Variants in RNLS observed in about 807,000 individuals in gnomAD.
RNLS encodes the protein renalase.
A neutral mutation model predicts 39.8 loss-of-function variants in RNLS; 39 were observed. The observed-to-expected ratio is 0.98, with a 90% confidence interval of 0.76 to 1.28. RNLS has a LOEUF of 1.28. RNLS is among the 50% of genes most tolerant of loss of function. The pLI is 0.00. For missense variants in RNLS, 410 were observed against 413.3 expected, an observed-to-expected ratio of 0.99 and a Z score of 0.07; for synonymous variants, 147 against 150.7, an observed-to-expected ratio of 0.98 and a Z score of 0.18.
chr10:88,255,463 AGG>A, the RNLS span, among the ~76,000 whole-genome samples: 1 of 152,176 alleles, frequency 6.6e-6, no homozygotes, highest in African/African-American at 2.4e-5. Context: ...AGGCACACAC[AGG>A]CTGCCTTGGG....
chr10:88,583,003 A>G, intron 1 of RNLS, 70 bp downstream of exon 1: 1 of 1,533,208 alleles, frequency 6.5e-7, no homozygotes, highest in Non-Finnish European at 8.9e-7. Context: ...TCTTGGGTGC[A>G]GGCCCACACC....
At chr10:88,426,053 A>T (rs1854733867) in intron 4 of RNLS, among the ~76,000 whole-genome samples, 1 of 152,094 alleles carries the variant, frequency 6.6e-6, no homozygotes, top group Non-Finnish European at 1.5e-5. Context: ...GAGGGCTAGA[A>T]TAGTATACTT....
chr10:88,483,283 C>A (rs1226418158), intron 4 of RNLS, among the ~76,000 whole-genome samples: 1 of 152,130 alleles, frequency 6.6e-6, no homozygotes, highest in Admixed American at 6.6e-5. Flanking sequence ...GCTTTACAAC[C>A]CCTTTTGGGA....
the RNLS span, among the ~76,000 whole-genome samples, chr10:88,194,748 AG>A: frequency 2.0e-5 from 3 of 152,338 alleles, no homozygotes; most frequent in Middle Eastern, 3.4e-3. Context: ...CAAACTCCCA[AG>A]GGGATTCTTA....
Position 88,372,280 on chromosome 10 carries a change from C to CT in RNLS, c.527-9556dup, listed in dbSNP as rs1489229089. On this transcript the variant is annotated intron_variant, in intron 4 of 6. Transcript: ENST00000331772. ...GCAATCAGGGAGCGTTTTCTAATCC[C>CT]TGCTGATTCCCTATCTTTTTAATCA... Among the ~76,000 whole-genome samples the CT allele has an allele frequency of 4.6e-5, 7 of 152,214 alleles. No individual in the cohort carries two copies. The East Asian group carries it at 1.4e-3, about 29-fold the overall frequency.
At chr10:88,390,535 A>G (rs1448006339) in intron 4 of RNLS, among the ~76,000 whole-genome samples, 3 of 152,212 alleles carry the variant, frequency 2.0e-5, no homozygotes, top group African/African-American at 4.8e-5. Context: ...AGCAGGGACC[A>G]TAGCACACAT....
the RNLS span, among the ~76,000 whole-genome samples, chr10:88,230,964 A>T: frequency 6.6e-6 from 1 of 152,288 alleles, no homozygotes; most frequent in South Asian, 2.1e-4. Flanking sequence ...AGGCAGTTTG[A>T]TTCTTATGTG....
intron 4 of RNLS, among the ~76,000 whole-genome samples, chr10:88,424,380 G>T (rs1434979585): frequency 2.0e-5 from 3 of 152,196 alleles, no homozygotes; most frequent in Non-Finnish European, 2.9e-5. Flanking sequence ...AATAATCCAG[G>T]AATGGTAAGA....
intron 4 of RNLS, among the ~76,000 whole-genome samples, chr10:88,376,012 C>G (rs189646318): frequency 6.6e-6 from 1 of 152,048 alleles, no homozygotes; most frequent in Admixed American, 6.6e-5. Flanking sequence ...AGGTCTCTCA[C>G]GTAATACAAG....
chr10:88,200,865 C>G, the RNLS span, among the ~76,000 whole-genome samples: 1 of 152,268 alleles, frequency 6.6e-6, no homozygotes, highest in African/African-American at 2.4e-5. Flanking sequence ...GGGAAGTGGT[C>G]CACAGTAACA....
intron 4 of RNLS, among the ~76,000 whole-genome samples, chr10:88,525,554 T>C (rs898883412): frequency 4.6e-5 from 7 of 152,114 alleles, no homozygotes; most frequent in African/African-American, 1.4e-4. Context: ...TATGTAGTAG[T>C]GCAGTTACTA....
intron 4 of RNLS, among the ~76,000 whole-genome samples, chr10:88,482,630 T>C (rs960902713): frequency 6.6e-6 from 1 of 152,192 alleles, no homozygotes; most frequent in African/African-American, 2.4e-5. Context: ...TTTGAAGTCC[T>C]TGTCTACAAA....
At chr10:88,521,857 G>C (rs1846762038) in intron 4 of RNLS, among the ~76,000 whole-genome samples, 1 of 152,096 alleles carries the variant, frequency 6.6e-6, no homozygotes, top group Non-Finnish European at 1.5e-5. Flanking sequence ...TTAGCAGAAT[G>C]TCAGGGGAGA....
intron 4 of RNLS, among the ~76,000 whole-genome samples, chr10:88,514,122 A>T (rs1381517433): frequency 5.3e-5 from 7 of 131,850 alleles, no homozygotes; most frequent in Non-Finnish European, 1.0e-4. Flanking sequence ...GGTAATTTAT[A>T]AAAAAAAAAA....
intron 4 of RNLS, among the ~76,000 whole-genome samples, chr10:88,441,902 C>A (rs1418328467): frequency 6.6e-6 from 1 of 152,156 alleles, no homozygotes. Context: ...CTTCCTTTAC[C>A]CATGCAGGCA....
At chr10:88,354,055 C>T (rs1407642131) in intron 5 of RNLS, among the ~76,000 whole-genome samples, 1 of 151,958 alleles carries the variant, frequency 6.6e-6, no homozygotes, top group African/African-American at 2.4e-5. Context: ...TTTCCATTTG[C>T]TTGGTATGCT....
chr10:88,251,406 T>C, the RNLS span, among the ~76,000 whole-genome samples: 1 of 152,234 alleles, frequency 6.6e-6, no homozygotes, highest in African/African-American at 2.4e-5. Context: ...TATTTCTTTA[T>C]CTGTAAAATG....
At chr10:88,523,028 G>A (rs1160144019) in intron 4 of RNLS, among the ~76,000 whole-genome samples, 1 of 152,090 alleles carries the variant, frequency 6.6e-6, no homozygotes, top group African/African-American at 2.4e-5. Context: ...CTTAGCATGA[G>A]TGTGCAGCTA....
intron 4 of RNLS, among the ~76,000 whole-genome samples, chr10:88,519,503 GA>G (rs148811399): frequency 9.0e-5 from 13 of 143,676 alleles, no homozygotes; most frequent in South Asian, 2.2e-4. Context: ...TTAACAACCA[GA>G]AAAAAAAAAG....
Sources: gnomAD v4.1 joint callset for allele counts (sites outside exome capture counted in the v4.1 genomes callset) on GRCh38, gnomAD v4.1.1 for gene constraint, MANE v1.5 for transcripts, NCBI Gene and HGNC (gene_info 2026-07-23, HGNC 2026-07-21) for gene names.